PCDH15: variants seen among roughly 807,000 people sequenced by gnomAD.
The protein encoded by PCDH15 is protocadherin related 15, also known as protocadherin-15.
A neutral mutation model predicts 178.5 loss-of-function variants in PCDH15; 129 were observed. That is an observed-to-expected ratio of 0.72 (90% CI 0.63 to 0.84). The LOEUF (loss-of-function observed/expected upper bound fraction) is 0.84. Among genes scored for constraint, PCDH15 ranks in the 40% least tolerant of loss-of-function variants. The pLI, the probability that PCDH15 is intolerant of heterozygous loss-of-function variation, is 0.00. For missense variants in PCDH15, 2,230 were observed against 2,099.9 expected, an observed-to-expected ratio of 1.06 and a Z score of -1.21; for synonymous variants, 800 against 732.0, an observed-to-expected ratio of 1.09 and a Z score of -1.50.
intron 2 of PCDH15, among the ~76,000 whole-genome samples, chr10:55,419,378 A>G (rs1279803291): frequency 6.6e-6 from 1 of 151,788 alleles, no homozygotes; most frequent in Non-Finnish European, 1.5e-5. Context: ...ACTCCACACA[A>G]TAAGGTATCC....
intron 1 of PCDH15, among the ~76,000 whole-genome samples, chr10:54,715,220 T>C (rs67690816): frequency 1.8e-4 from 28 of 152,220 alleles, no homozygotes; most frequent in African/African-American, 5.8e-4. Flanking sequence ...ATTATTTGAA[T>C]AGAGTTTGAT....
chr10:53,834,732 T>A (rs2132679236), intron 29 of PCDH15, among the ~76,000 whole-genome samples: 1 of 152,338 alleles, frequency 6.6e-6, no homozygotes, highest in African/African-American at 2.4e-5. Flanking sequence ...TATTTCTGCC[T>A]CCATTGATGG....
chr10:54,105,161 C>G (rs2094889504), intron 15 of PCDH15, among the ~76,000 whole-genome samples: 1 of 150,724 alleles, frequency 6.6e-6, no homozygotes, highest in Admixed American at 6.6e-5. Flanking sequence ...GAACTCCATC[C>G]TTAATATTCA....
At chr10:55,421,570 G>A (rs904150999) in intron 2 of PCDH15, among the ~76,000 whole-genome samples, 3 of 148,806 alleles carry the variant, frequency 2.0e-5, no homozygotes, top group African/African-American at 7.4e-5. Flanking sequence ...TATTAAATAT[G>A]GAATTTTATC....
chr10:55,024,375 G>T (rs1326496540), intron 2 of PCDH15, among the ~76,000 whole-genome samples: 5 of 148,004 alleles, frequency 3.4e-5, no homozygotes, highest in Admixed American at 1.4e-4. Context: ...ATGAGTGTGT[G>T]TGTGTACACA....
chr10:54,679,209 A>C (rs886480080), intron 1 of PCDH15, among the ~76,000 whole-genome samples: 4 of 151,766 alleles, frequency 2.6e-5, no homozygotes, highest in African/African-American at 7.3e-5. Flanking sequence ...AAAAAAAAAA[A>C]AACATACAAT....
At chr10:55,586,039 C>G (rs1198566932) in intron 2 of PCDH15, among the ~76,000 whole-genome samples, 1 of 152,076 alleles carries the variant, frequency 6.6e-6, no homozygotes, top group South Asian at 2.1e-4. Flanking sequence ...AAATCATCAT[C>G]ATCACCATCA....
intron 1 of PCDH15, among the ~76,000 whole-genome samples, chr10:54,760,088 C>A (rs938837398): frequency 3.9e-5 from 6 of 152,170 alleles, no homozygotes; most frequent in African/African-American, 1.4e-4. Flanking sequence ...CAAAACCATT[C>A]ATTGAAGTTT....
chr10:54,939,490 G>A (rs187148681), intron 2 of PCDH15, among the ~76,000 whole-genome samples: 736 of 28,682 alleles, frequency 0.026, 10 homozygotes, highest in African/African-American at 0.067. Context: ...ATGAGACTCC[G>A]TCTCAAAAAA....
chr10:54,681,378 A>T (rs2094895960), intron 1 of PCDH15, among the ~76,000 whole-genome samples: 1 of 152,196 alleles, frequency 6.6e-6, no homozygotes, highest in Non-Finnish European at 1.5e-5. Context: ...TCTACGGAGG[A>T]TGTACAAAGA....
At chr10:54,319,906 C>T (rs1223729434) in intron 7 of PCDH15, among the ~76,000 whole-genome samples, 4 of 151,854 alleles carry the variant, frequency 2.6e-5, no homozygotes, top group Non-Finnish European at 4.4e-5. Flanking sequence ...TTAGGAAACA[C>T]GAATTTCTGT....
At chr10:53,880,142 G>A (rs980318406) in intron 26 of PCDH15, among the ~76,000 whole-genome samples, 3 of 151,956 alleles carry the variant, frequency 2.0e-5, no homozygotes, top group Non-Finnish European at 4.4e-5. Context: ...GAAACCACTG[G>A]AATATTTAGA....
At chr10:54,944,424 G>A (rs1455343074) in intron 2 of PCDH15, among the ~76,000 whole-genome samples, 3 of 151,930 alleles carry the variant, frequency 2.0e-5, no homozygotes, top group African/African-American at 4.8e-5. Flanking sequence ...TTAAAAGGAA[G>A]GGATGTGGCA....
chr10:55,179,623 G>T (rs1369316962), intron 1 of PCDH15, among the ~76,000 whole-genome samples: 3 of 151,976 alleles, frequency 2.0e-5, no homozygotes, highest in Admixed American at 6.6e-5. Flanking sequence ...CCCCTCAGAT[G>T]CTGAGAGCTT....
intron 2 of PCDH15, among the ~76,000 whole-genome samples, chr10:55,136,709 A>T (rs1249317562): frequency 3.3e-5 from 5 of 152,172 alleles, no homozygotes; most frequent in Admixed American, 3.3e-4. Context: ...TGAAAAACTA[A>T]AGCAAAGTAA....
chr10:54,497,915 T>G (rs2080286365), intron 3 of PCDH15, among the ~76,000 whole-genome samples: 2 of 152,016 alleles, frequency 1.3e-5, no homozygotes, highest in Non-Finnish European at 2.9e-5. Flanking sequence ...TTCTCCAACT[T>G]GCTAGAGGGG....
intron 2 of PCDH15, among the ~76,000 whole-genome samples, chr10:55,449,273 T>C (rs1410417283): frequency 6.6e-6 from 1 of 152,032 alleles, no homozygotes; most frequent in African/African-American, 2.4e-5. Context: ...CTACCTGCTA[T>C]TACAGGACTT....
chr10:54,927,063 G>C (rs1837648439), intron 2 of PCDH15, among the ~76,000 whole-genome samples: 1 of 151,822 alleles, frequency 6.6e-6, no homozygotes, highest in African/African-American at 2.4e-5. Flanking sequence ...CCAACTTTTT[G>C]ATGTGAGCAT....
At chr10:54,349,753 G>T (rs934654650) in intron 5 of PCDH15, among the ~76,000 whole-genome samples, 1 of 152,100 alleles carries the variant, frequency 6.6e-6, no homozygotes, top group Non-Finnish European at 1.5e-5. Context: ...TATACTTGCT[G>T]ATGAAGCCTA....
Sources: gnomAD v4.1 joint callset for allele counts (sites outside exome capture counted in the v4.1 genomes callset) on GRCh38, gnomAD v4.1.1 for gene constraint, MANE v1.5 for transcripts, NCBI Gene and HGNC (gene_info 2026-07-23, HGNC 2026-07-21) for gene names.